Variants in VIPR2 observed in about 807,000 individuals in gnomAD.
VIPR2 encodes vasoactive intestinal polypeptide receptor 2.
A neutral mutation model predicts 58.0 loss-of-function variants in VIPR2; 48 were observed. The ratio of observed to expected loss-of-function variants is 0.83; its 90% confidence interval spans 0.66 to 1.05. The LOEUF (loss-of-function observed/expected upper bound fraction) is 1.05, where lower values mean the gene tolerates loss of function less well. Among genes scored for constraint, VIPR2 ranks in the 50% least tolerant of loss-of-function variants. The pLI, the probability that VIPR2 is intolerant of heterozygous loss-of-function variation, is 0.00. For synonymous variants in VIPR2, 243 were observed against 235.2 expected (o/e 1.03, Z -0.30); for missense variants, 534 against 558.0 (o/e 0.96, Z 0.43).
intron 2 of VIPR2, among the ~76,000 whole-genome samples, chr7:159,116,121 G>A (rs1397209315): frequency 1.3e-5 from 2 of 152,208 alleles, no homozygotes; most frequent in African/African-American, 4.8e-5. Flanking sequence ...GGAAGGGCTG[G>A]AGCAGTTGGT....
At chr7:159,077,934 T>G (rs193059230) in intron 4 of VIPR2, among the ~76,000 whole-genome samples, 1 of 152,370 alleles carries the variant, frequency 6.6e-6, no homozygotes, top group African/African-American at 2.4e-5. Flanking sequence ...ACATTTCCAA[T>G]TTTCCCTCAC....
At chr7:159,035,594 C>T (rs1853889025) in intron 8 of VIPR2, 2 of 800,016 alleles carry the variant, frequency 2.5e-6, no homozygotes, top group South Asian at 1.1e-4. Flanking sequence ...CCTGCAGCCA[C>T]CATCACCTGA....
At chr7:159,042,015 A>G (rs1203587199) in intron 6 of VIPR2, among the ~76,000 whole-genome samples, 4 of 152,198 alleles carry the variant, frequency 2.6e-5, no homozygotes, top group Non-Finnish European at 5.9e-5. Flanking sequence ...TTGTTATCAC[A>G]GCAAATCTGA....
chr7:159,101,212 C>A, intron 4 of VIPR2, among the ~76,000 whole-genome samples: 1 of 140,072 alleles, frequency 7.1e-6, no homozygotes, highest in African/African-American at 2.7e-5. Flanking sequence ...CGAGATCCGA[C>A]GAGGCCGTTC....
chr7:159,034,825 C>T (rs2730222), intron 8 of VIPR2, among the ~76,000 whole-genome samples, 175 bp from the exon 9 acceptor site: 135,484 of 152,172 alleles, frequency 0.89, 60,513 homozygotes, highest in East Asian at 1. Context: ...TGTTTTGTTT[C>T]ATGCTTTCAA....
At chr7:159,124,807 T>C (rs751950005) in intron 2 of VIPR2, among the ~76,000 whole-genome samples, 2 of 152,218 alleles carry the variant, frequency 1.3e-5, no homozygotes, top group Non-Finnish European at 2.9e-5. Flanking sequence ...ACCTCTGATT[T>C]CTTTGAGCAG....
At chr7:159,077,040 TA>T in intron 4 of VIPR2, among the ~76,000 whole-genome samples, 1 of 152,370 alleles carries the variant, frequency 6.6e-6, no homozygotes, top group African/African-American at 2.4e-5. Context: ...CCCCTTTGGT[TA>T]TCACCAAAAC....
intron 4 of VIPR2, among the ~76,000 whole-genome samples, chr7:159,084,399 C>T (rs1319596128): frequency 1.3e-5 from 2 of 152,192 alleles, no homozygotes; most frequent in African/African-American, 4.8e-5. Flanking sequence ...ACAGGAACAG[C>T]GTGAGGCAGG....
Position 159,077,898 on chromosome 7 carries a change from A to G in VIPR2, c.358-19320T>C, listed in dbSNP as rs987742763. 5.3e-5 allele frequency among the ~76,000 whole-genome samples: 8 copies of G among 152,306 alleles called. No homozygotes were observed. In the East Asian group the frequency reaches 1.5e-3, roughly 29 times the overall value. ...ACTTGAGTTTTTCCTTTTTCCTCCA[A>G]TGTCTGGCTGTGACTTTCGAAATGA... On this transcript the variant is annotated intron_variant, in intron 4 of 12. Transcript: ENST00000262178.
At chr7:159,048,684 A>T (rs553457877) in intron 5 of VIPR2, among the ~76,000 whole-genome samples, 3 of 152,246 alleles carry the variant, frequency 2.0e-5, no homozygotes, top group Admixed American at 6.5e-5. Context: ...TTAAAAGAAA[A>T]TGTTAAAATG....
intron 5 of VIPR2, among the ~76,000 whole-genome samples, chr7:159,047,388 G>T (rs1854721212): frequency 1.3e-5 from 2 of 152,136 alleles, no homozygotes; most frequent in South Asian, 2.1e-4. Flanking sequence ...AATTACAGAA[G>T]AATTCCAAAT....
At chr7:159,116,077 T>A (rs552464107) in intron 2 of VIPR2, among the ~76,000 whole-genome samples, 1 of 152,326 alleles carries the variant, frequency 6.6e-6, no homozygotes, top group African/African-American at 2.4e-5. Context: ...CCCCTCGGAC[T>A]GACAGGCTCT....
intron 4 of VIPR2, among the ~76,000 whole-genome samples, chr7:159,076,302 G>A (rs1024929061): frequency 4.6e-5 from 7 of 152,166 alleles, no homozygotes; most frequent in African/African-American, 1.7e-4. Flanking sequence ...AAGTAAGATA[G>A]ATCAGCTTAG....
chr7:159,036,055 T>C (rs1853930492), intron 7 of VIPR2, 43 bp from the exon 8 acceptor site: 1 of 1,593,194 alleles, frequency 6.3e-7, no homozygotes, highest in Admixed American at 1.7e-5. Context: ...CGGAGCGGTG[T>C]GCACGCACAC....
At chr7:159,120,239 C>T (rs1563345155) in intron 2 of VIPR2, among the ~76,000 whole-genome samples, 1 of 152,220 alleles carries the variant, frequency 6.6e-6, no homozygotes, top group Non-Finnish European at 1.5e-5. Context: ...ATTTGTCATT[C>T]TCCTCACCTG....
chr7:159,032,957 C>A (rs12673635), intron 10 of VIPR2, among the ~76,000 whole-genome samples: 8,004 of 151,906 alleles, frequency 0.053, 230 homozygotes, highest in Middle Eastern at 0.082. Context: ...TGCTGCCATG[C>A]GGGGTCTGAC....
chr7:159,124,349 G>A (rs1172585722), intron 2 of VIPR2, among the ~76,000 whole-genome samples: 7 of 152,086 alleles, frequency 4.6e-5, no homozygotes, highest in Admixed American at 1.3e-4. Context: ...GTCCAGCTTC[G>A]ATCTCCCACA....
rs755028111 is a variant in VIPR2, at chr7:159,034,208, C to T, written c.971+5G>A. On this transcript the variant is annotated splice_donor_5th_base_variant and intron_variant, in intron 10 of 12. Coordinates refer to ENST00000262178, the MANE Select transcript of VIPR2 (RefSeq NM_003382.5). Reference sequence around the variant, plus strand: ...AGGGACGGCCAGGCCGGGACACACACTCACTTGTACTGAGACTGGTCGTTG... The same window carrying T: ...AGGGACGGCCAGGCCGGGACACACATTCACTTGTACTGAGACTGGTCGTTG... The T allele has an allele frequency of 6.2e-7, 1 of 1,613,806 alleles. No homozygotes were observed. Among genetic ancestry groups the T allele is most frequent in the Non-Finnish European group, 8.5e-7 (1 of 1,179,862 alleles).
chr7:159,073,118 G>GA (rs1274105028), intron 4 of VIPR2, among the ~76,000 whole-genome samples: 2 of 152,048 alleles, frequency 1.3e-5, no homozygotes, highest in African/African-American at 4.8e-5. Context: ...AACAAATAAA[G>GA]AAAAAGCACA....
Sources: allele counts gnomAD v4.1 joint callset (sites outside exome capture counted in the v4.1 genomes callset), GRCh38; gene constraint gnomAD v4.1.1; transcripts MANE v1.5; gene names NCBI Gene and HGNC (gene_info 2026-07-23, HGNC 2026-07-21).